PATL2: variants seen among roughly 807,000 people sequenced by gnomAD.
The protein encoded by PATL2 is PAT1 homolog 2, also known as protein PAT1 homolog 2.
A neutral mutation model predicts 77.0 loss-of-function variants in PATL2; 73 were observed. The ratio of observed to expected loss-of-function variants is 0.95; its 90% CI spans 0.78 to 1.15. The LOEUF is 1.15. Ranked by LOEUF, PATL2 falls within the 50% of genes most tolerant of loss-of-function variation. The pLI is 0.00. For missense variants in PATL2, 618 were observed against 655.4 expected (o/e 0.94, Z 0.62); for synonymous variants, 265 against 257.1 (o/e 1.03, Z -0.29).
intron 3 of PATL2, chr15:44,676,963 C>G: frequency 1.0e-6 from 1 of 992,188 alleles, no homozygotes; most frequent in Non-Finnish European, 1.2e-6. Context: ...AGCTCCTCCC[C>G]TGCTCACCCA....
At chr15:44,696,182 C>T (rs1279140297) in intron 3 of PATL2, among the ~76,000 whole-genome samples, 2 of 152,182 alleles carry the variant, frequency 1.3e-5, no homozygotes, top group African/African-American at 4.8e-5. Flanking sequence ...GAGCGAAGTA[C>T]TATACCTACA....
At chr15:44,698,874 T>C (rs560164069) in intron 3 of PATL2, among the ~76,000 whole-genome samples, 1 of 152,330 alleles carries the variant, frequency 6.6e-6, no homozygotes, top group South Asian at 2.1e-4. Context: ...TGTATGAAGG[T>C]TCCCCTTTTC....
chr15:44,667,926 G>C (rs1181233312), intron 15 of PATL2, among the ~76,000 whole-genome samples: 1 of 152,186 alleles, frequency 6.6e-6, no homozygotes, highest in Non-Finnish European at 1.5e-5. Context: ...CTGGGTGACA[G>C]AGCGAGACTA....
rs1375147754 is a variant in PATL2, at chr15:44,665,851, T to A, written c.*102A>T. 6.5e-7 allele frequency: 1 copy of A among 1,547,376 alleles called. No homozygotes were observed. Among genetic ancestry groups the A allele is most frequent in the South Asian group, 1.2e-5 (1 of 83,534 alleles). ...AAGGGTTCTCCAATATATAAAGGCATAAGAAATGTCTTCAGACTCTCTGGA... is the reference window on the plus strand; with the variant it reads ...AAGGGTTCTCCAATATATAAAGGCAAAAGAAATGTCTTCAGACTCTCTGGA... On this transcript the variant is annotated 3_prime_UTR_variant, in exon 18 of 18. Transcript: ENST00000682850.
intron 15 of PATL2, among the ~76,000 whole-genome samples, chr15:44,667,658 A>G (rs958796558): frequency 6.6e-5 from 10 of 152,150 alleles, no homozygotes; most frequent in Non-Finnish European, 1.3e-4. Context: ...TTATATACCT[A>G]TTGGCTGGGC....
chr15:44,698,283 A>T (rs1395916911), intron 3 of PATL2, among the ~76,000 whole-genome samples: 3 of 152,070 alleles, frequency 2.0e-5, no homozygotes, highest in African/African-American at 7.2e-5. Context: ...TATTTTTACT[A>T]TACAATAAAC....
upstream of PATL2, chr15:44,711,347 C>T (rs1260962398): frequency 5.9e-6 from 4 of 675,742 alleles, no homozygotes; most frequent in African/African-American, 1.8e-5. Context: ...CTAGTGCATG[C>T]CTTCTTAAAC....
intron 3 of PATL2, chr15:44,677,015 A>C (rs768874437): frequency 1.3e-4 from 75 of 586,532 alleles, no homozygotes; most frequent in Non-Finnish European, 1.6e-4. Flanking sequence ...CCTGATGGAA[A>C]TATGAGAACA....
chr15:44,702,593 T>G (rs946458177), intron 3 of PATL2, among the ~76,000 whole-genome samples: 1 of 151,954 alleles, frequency 6.6e-6, no homozygotes, highest in Non-Finnish European at 1.5e-5. Context: ...TTATTTGAAG[T>G]TTTTCTGTTT....
At chr15:44,671,681 G>A (rs375300421) in intron 9 of PATL2, among the ~76,000 whole-genome samples, 22 of 152,260 alleles carry the variant, frequency 1.4e-4, no homozygotes, top group African/African-American at 5.1e-4. Context: ...AAAAGTCAAA[G>A]TAGATGAATA....
At chr15:44,692,420 C>A (rs565426010) in intron 3 of PATL2, among the ~76,000 whole-genome samples, 1 of 152,104 alleles carries the variant, frequency 6.6e-6, no homozygotes, top group East Asian at 1.9e-4. Flanking sequence ...AACAAAAAAA[C>A]CAGCTCTGTT....
At chr15:44,699,313 C>G (rs1429402797) in intron 3 of PATL2, among the ~76,000 whole-genome samples, 1 of 152,020 alleles carries the variant, frequency 6.6e-6, no homozygotes, top group Non-Finnish European at 1.5e-5. Context: ...TTTCTTTTAG[C>G]AGTTTCATAG....
Position 44,669,142 on chromosome 15 carries a change from G to A in PATL2, c.1065-3C>T. The A allele has an allele frequency of 3.9e-6, 6 of 1,536,080 alleles. No individual in the cohort carries two copies. The South Asian group carries it at 7.3e-5, about 19-fold the overall frequency. ...GCAGGAAGCCATCTGCTGCCTCTCT[G>A]CAAGGGAGAGAGGAGAACATTTTCA... On this transcript the variant is annotated splice_region_variant and splice_polypyrimidine_tract_variant and intron_variant, in intron 13 of 17. Transcript: ENST00000682850.
At chr15:44,684,015 G>C (rs1405508495) in intron 3 of PATL2, among the ~76,000 whole-genome samples, 5 of 150,094 alleles carry the variant, frequency 3.3e-5, no homozygotes, top group Non-Finnish European at 5.9e-5. Flanking sequence ...CTGACTGTTA[G>C]AAGGAAAACT....
At chr15:44,698,116 A>C (rs1364268997) in intron 3 of PATL2, among the ~76,000 whole-genome samples, 1 of 150,736 alleles carries the variant, frequency 6.6e-6, no homozygotes, top group African/African-American at 2.4e-5. Flanking sequence ...TTTAATTTTC[A>C]TGGGTACATA....
chr15:44,711,350 T>C (rs2086857979), upstream of PATL2: 2 of 685,722 alleles, frequency 2.9e-6, no homozygotes, highest in South Asian at 3.3e-5. Context: ...GTGCATGCCT[T>C]CTTAAACATC....
chr15:44,667,354 T>C, intron 15 of PATL2, 151 bp from the exon 16 acceptor site: 1 of 628,666 alleles, frequency 1.6e-6, no homozygotes, highest in Admixed American at 2.7e-5. Flanking sequence ...TTTACACTGG[T>C]GAGCCAAAGA....
chr15:44,688,280 A>T (rs893824971), intron 3 of PATL2, among the ~76,000 whole-genome samples: 1 of 151,328 alleles, frequency 6.6e-6, no homozygotes, highest in African/African-American at 2.4e-5. Context: ...AATAATAATA[A>T]TAATAAAAAA....
rs16966334 is a variant in PATL2, at chr15:44,710,916, C to G, written c.-240G>C. ...GAGGAACTTCTTGGCACAGAACTTT[C>G]CAAACACTTTTTCCTGAAGGGATAC... On this transcript the variant is annotated 5_prime_UTR_variant, in exon 2 of 18. Coordinates refer to ENST00000682850, the MANE Select transcript of PATL2 (RefSeq NM_001387263.1). 0.054 allele frequency: 8,167 copies of G among 151,598 alleles called. 384 individuals are homozygous for G. The highest frequency in any genetic ancestry group is 0.18 in the East Asian group (914 of 4,968). 9.4% of individuals were successfully genotyped at this position (151,598 alleles called of 1,614,324 possible).
Sources: gnomAD v4.1 joint callset for allele counts (sites outside exome capture counted in the v4.1 genomes callset) on GRCh38, gnomAD v4.1.1 for gene constraint, MANE v1.5 for transcripts, NCBI Gene and HGNC (gene_info 2026-07-23, HGNC 2026-07-21) for gene names.